TBK1: variants seen among roughly 807,000 people sequenced by gnomAD.
TBK1 encodes the protein serine/threonine-protein kinase TBK1.
Under a neutral mutation model 99.9 loss-of-function variants are expected in TBK1, and 37 were observed. That is an observed-to-expected ratio of 0.37 (90% CI 0.28 to 0.49). The LOEUF (loss-of-function observed/expected upper bound fraction) is 0.49, where lower values mean the gene tolerates loss of function less well. Ranked by LOEUF, TBK1 falls within the 20% of genes least tolerant of loss-of-function variation. The probability of loss-of-function intolerance (pLI) is 0.98; values close to 1 mark genes in which losing one functional copy is unlikely to be tolerated. For missense variants in TBK1, 644 were observed against 872.5 expected (o/e 0.74, Z 3.30); for synonymous variants, 258 against 279.8 (o/e 0.92, Z 0.78).
chr12:64,474,962 AC>A (rs1196117340), intron 6 of TBK1, among the ~76,000 whole-genome samples: 2 of 152,138 alleles, frequency 1.3e-5, no homozygotes, highest in African/African-American at 4.8e-5. Flanking sequence ...ATAAAAAAAT[AC>A]AAACATTAGC....
chr12:64,482,045 G>T, intron 8 of TBK1, 24 bp downstream of exon 8: 1 of 1,419,612 alleles, frequency 7.0e-7, no homozygotes, highest in South Asian at 1.6e-5. Context: ...TTTTCTTCTT[G>T]TATCAACATG....
chr12:64,466,983 A>G lies in TBK1; in HGVS notation c.441A>G (p.Glu147=), dbSNP rs2040612310. The G allele has an allele frequency of 2.5e-6, 4 of 1,613,074 alleles. No homozygotes were observed. Among genetic ancestry groups the G allele is most frequent in the Non-Finnish European group, 2.5e-6 (3 of 1,179,540 alleles). Residue 147 remains glutamate, a synonymous_variant, in exon 5 of 21, where the codon GAA becomes GAG. Coordinates refer to ENST00000331710, the MANE Select transcript of TBK1 (RefSeq NM_013254.4). ...KPGNIMRVIG[E]DGQSVYKLTD... ...GAAATATCATGCGTGTTATAGGGGA[A>G]GATGGACAGTCTGTGTACAAACTCA...
At chr12:64,474,411 A>G (rs2040692298) in intron 6 of TBK1, 21 bp downstream of exon 6, 1 of 1,591,348 alleles carries the variant, frequency 6.3e-7, no homozygotes, top group African/African-American at 1.3e-5. Flanking sequence ...TCCCGATCTA[A>G]AATCAGAGAA....
At chr12:64,474,972 G>A (rs1302237570) in intron 6 of TBK1, among the ~76,000 whole-genome samples, 1 of 151,950 alleles carries the variant, frequency 6.6e-6, no homozygotes, top group Non-Finnish European at 1.5e-5. Flanking sequence ...ACAAACATTA[G>A]CCAGGGGTGG....
intron 20 of TBK1, among the ~76,000 whole-genome samples, chr12:64,500,753 C>CTTTTTTTTT (rs1009756107): frequency 1.0e-5 from 1 of 98,968 alleles, no homozygotes; most frequent in Non-Finnish European, 2.0e-5. Flanking sequence ...AACTCGGTAT[C>CTTTTTTTTT]TTTTTTTTTT....
intron 4 of TBK1, among the ~76,000 whole-genome samples, chr12:64,465,007 G>C (rs914213930): frequency 6.6e-6 from 1 of 152,112 alleles, no homozygotes; most frequent in African/African-American, 2.4e-5. Flanking sequence ...ACTTTAGGAA[G>C]TGGAGGCCGG....
chr12:64,474,827 A>G (rs2040695911), intron 6 of TBK1, among the ~76,000 whole-genome samples: 1 of 152,230 alleles, frequency 6.6e-6, no homozygotes, highest in South Asian at 2.1e-4. Flanking sequence ...TTTAAAAAAT[A>G]ACATTTTGGG....
intron 8 of TBK1, among the ~76,000 whole-genome samples, chr12:64,483,275 A>G (rs1398147622): frequency 1.3e-5 from 2 of 152,190 alleles, no homozygotes; most frequent in Non-Finnish European, 2.9e-5. Context: ...AAATATATTC[A>G]TTTCCTATGT....
chr12:64,486,255 G>A (rs553915942), intron 11 of TBK1, among the ~76,000 whole-genome samples: 2 of 152,202 alleles, frequency 1.3e-5, no homozygotes, highest in African/African-American at 2.4e-5. Context: ...AGGATGTGAC[G>A]GCAAATGCAT....
At chr12:64,455,212 C>G (rs896784351) in intron 1 of TBK1, among the ~76,000 whole-genome samples, 2 of 151,154 alleles carry the variant, frequency 1.3e-5, no homozygotes, top group African/African-American at 2.4e-5. Flanking sequence ...TCTCAAACTC[C>G]TGGCTTCAGG....
At position 64,499,037 on chromosome 12, in the gene TBK1, CTTTTTTTTT is replaced by C. The variant is rs763709411; in HGVS notation, c.2138+1011_2138+1019del. On this transcript the variant is annotated intron_variant, in intron 20 of 20. Coordinates refer to ENST00000331710, the MANE Select transcript of TBK1 (RefSeq NM_013254.4). Reference sequence around the variant, plus strand: ...TTTGTTGGGTTTTACTAATTTTATTCTTTTTTTTTTTTTTTTTTTTTCCCCCGAGACGGA... The same window carrying C: ...TTTGTTGGGTTTTACTAATTTTATTCTTTTTTTTTTTTCCCCCGAGACGGA... Among the ~76,000 whole-genome samples the C allele has an allele frequency of 1.4e-4, 11 of 79,270 alleles. No individual in the cohort carries two copies. In the East Asian group the frequency reaches 2.9e-3, roughly 21 times the overall value. The allele number at this position is 79,270 out of a possible 152,430, so 52.0% of individuals were successfully genotyped here.
Position 64,485,975 on chromosome 12 carries a change from T to G in TBK1, c.1298T>G (p.Leu433Arg). 4 of 1,594,336 alleles carry G rather than the reference T, an allele frequency of 2.5e-6. 1 individual carries two copies. In the South Asian group the frequency reaches 4.5e-5, roughly 18 times the overall value. ...CYACRIASTL[L>R]LYQELMRKGI... ...GCCTGCAGAATTGCCAGTACCTTACTGCTTTATCAGGAATTAATGCGAAAG... is the reference window on the plus strand; with the variant it reads ...GCCTGCAGAATTGCCAGTACCTTACGGCTTTATCAGGAATTAATGCGAAAG... The change falls in exon 11 of 21, where the codon CTG (leucine) becomes CGG (arginine). Residue 433 changes from leucine (L) to arginine (R), a missense_variant. Transcript: ENST00000331710.
At chr12:64,463,721 ATTTAAGATGAT>A (rs2040573496) in intron 3 of TBK1, among the ~76,000 whole-genome samples, 1 of 151,716 alleles carries the variant, frequency 6.6e-6, no homozygotes, top group African/African-American at 2.4e-5. Flanking sequence ...AAAGAAAGGA[ATTTAAGATGAT>A]TTTAACAAAA....
intron 12 of TBK1, among the ~76,000 whole-genome samples, chr12:64,489,672 G>A (rs533409453): frequency 4.3e-4 from 64 of 150,164 alleles, no homozygotes; most frequent in African/African-American, 1.4e-3. Context: ...AGGTTCAAGC[G>A]ATTCTCCTGC....
chr12:64,479,576 TTTTTG>T (rs2040748196), intron 6 of TBK1, among the ~76,000 whole-genome samples: 1 of 152,236 alleles, frequency 6.6e-6, no homozygotes, highest in Non-Finnish European at 1.5e-5. Context: ...AGTATAATCT[TTTTTG>T]TTTTAAAGAA....
intron 20 of TBK1, among the ~76,000 whole-genome samples, chr12:64,500,584 TACC>T (rs1490319257): frequency 1.3e-5 from 2 of 152,060 alleles, no homozygotes; most frequent in Non-Finnish European, 2.9e-5. Context: ...AAACTCCTGT[TACC>T]TAAAAAGTCA....
intron 13 of TBK1, among the ~76,000 whole-genome samples, chr12:64,492,349 C>T (rs375312811): frequency 1.5e-3 from 226 of 152,326 alleles, no homozygotes; most frequent in African/African-American, 5.1e-3. Context: ...TCTTGTTGCC[C>T]AGGCTGGAGT....
chr12:64,468,735 A>G (rs965814720), intron 5 of TBK1, among the ~76,000 whole-genome samples: 4 of 152,222 alleles, frequency 2.6e-5, no homozygotes, highest in African/African-American at 9.6e-5. Flanking sequence ...GTAATAAGAT[A>G]AAGAGTGACT....
Position 64,485,492 on chromosome 12 carries a change from C to G in TBK1, c.1227C>G (p.Asp409Glu). ...AAGTACATCCACGTTATGATTTAGA[C>G]GGGGATGCTAGCATGGCTAAGGTTA... ...LPKVHPRYDLDGDASMAKAIT... is the reference protein window; with the variant it reads ...LPKVHPRYDLEGDASMAKAIT... The change falls in exon 10 of 21, where the codon GAC becomes GAG. Residue 409 changes from aspartate (D) to glutamate (E), a missense_variant. Asp to Glu is a conservative substitution (Grantham distance 45). This residue lies in a region of TBK1 where 465 missense variants were observed against 588.0 expected (regional missense o/e 0.79). Transcript: ENST00000331710. 6.4e-7 allele frequency: 1 copy of G among 1,556,678 alleles called. No homozygotes were observed. Among genetic ancestry groups the G allele is most frequent in the Non-Finnish European group, 8.8e-7 (1 of 1,140,036 alleles).
Sources: gnomAD v4.1 joint callset for allele counts (sites outside exome capture counted in the v4.1 genomes callset) on GRCh38, gnomAD v4.1.1 for gene constraint, gnomAD v4.1.1 regional missense constraint, MANE v1.5 for transcripts, NCBI Gene and HGNC (gene_info 2026-07-23, HGNC 2026-07-21) for gene names.